Variants in RAI1 observed in about 807,000 individuals in gnomAD.
The protein encoded by RAI1 is retinoic acid-induced protein 1.
Under a neutral mutation model 123.8 loss-of-function variants are expected in RAI1, and 9 were observed. The ratio of observed to expected loss-of-function variants is 0.07; its 90% CI spans 0.04 to 0.13. The LOEUF (loss-of-function observed/expected upper bound fraction) is 0.13. RAI1 is among the 10% of genes least tolerant of loss of function. The pLI, the probability that RAI1 is intolerant of heterozygous loss-of-function variation, is 1.00. For synonymous variants in RAI1, 1,231 were observed against 1,127.3 expected, an observed-to-expected ratio of 1.09 and a Z score of -1.84; for missense variants, 2,256 against 2,545.8, an observed-to-expected ratio of 0.89 and a Z score of 2.45.
At chr17:17,807,807 C>T (rs1269908546) in intron 4 of RAI1, among the ~76,000 whole-genome samples, 1 of 152,240 alleles carries the variant, frequency 6.6e-6, no homozygotes, top group Non-Finnish European at 1.5e-5. Context: ...TCTAGTTCAG[C>T]CCCAGAACCA....
In RAI1 at chr17:17,795,827, G is replaced by C; in HGVS notation, c.2879G>C (p.Arg960Pro). Residue 960 changes from arginine (R) to proline (P), a missense_variant, in exon 3 of 6, where the codon CGA (arginine) becomes CCA (proline). By Grantham distance (103) the Arg-to-Pro change is moderately radical. Transcript: ENST00000353383. This position sits in a 1 kb window ranked among gnomAD's most constrained non-coding sequence, Gnocchi z 5.9. ...GGTGAAGAGGGGCCTGATGGGGAGC[G>C]AGCTCCAGGGGATTCCACCACCTCG... ...KPGEEGPDGE[R>P]APGDSTTSDA... The C allele has an allele frequency of 6.2e-7, 1 of 1,613,502 alleles. No homozygotes were observed.
intron 2 of RAI1, among the ~76,000 whole-genome samples, chr17:17,729,716 G>T (rs1289369745): frequency 6.6e-6 from 1 of 152,210 alleles, no homozygotes; most frequent in African/African-American, 2.4e-5. Flanking sequence ...CTGTCCATCC[G>T]TTCAGGGCAC....
chr17:17,768,276 G>A (rs1381389891), intron 2 of RAI1, among the ~76,000 whole-genome samples: 1 of 152,164 alleles, frequency 6.6e-6, no homozygotes, highest in Non-Finnish European at 1.5e-5. Flanking sequence ...CTCAGAAATG[G>A]CCTGTGCTTG....
Position 17,727,650 on chromosome 17 carries a change from G to A in RAI1, c.-17+3491G>A, listed in dbSNP as rs532406468. On this transcript the variant is annotated intron_variant, in intron 2 of 5. Coordinates refer to ENST00000353383, the MANE Select transcript of RAI1 (RefSeq NM_030665.4). ...GAGGATCCAAAGCAGATGCAGTGAGGGGGTGGGACTGTAGGTCTCTGGGGA... is the reference window on the plus strand; with the variant it reads ...GAGGATCCAAAGCAGATGCAGTGAGAGGGTGGGACTGTAGGTCTCTGGGGA... Among the ~76,000 whole-genome samples, 13 of 152,326 alleles carry A rather than the reference G, an allele frequency of 8.5e-5. No homozygotes were observed. The South Asian group carries it at 1.2e-3, about 15-fold the overall frequency.
intron 2 of RAI1, among the ~76,000 whole-genome samples, chr17:17,792,316 C>CGT (rs141444364): frequency 1.3e-4 from 20 of 150,942 alleles, no homozygotes; most frequent in South Asian, 4.2e-4. Context: ...TGTGTGCATG[C>CGT]GTGTGTGTGT....
At chr17:17,763,556 CAA>C (rs1299848802) in intron 2 of RAI1, among the ~76,000 whole-genome samples, 4 of 152,202 alleles carry the variant, frequency 2.6e-5, no homozygotes, top group African/African-American at 9.6e-5. Context: ...GGCCAAGGAG[CAA>C]AAGCAGTCTG....
intron 2 of RAI1, among the ~76,000 whole-genome samples, chr17:17,769,358 G>A (rs973655395): frequency 5.9e-5 from 9 of 152,374 alleles, no homozygotes; most frequent in Middle Eastern, 6.8e-3. Context: ...TTCTGCGCAG[G>A]CCTCCTTGGG....
At chr17:17,723,912 GGCGCGAGAGGCGCGGCGC>G (rs1313973849) in intron 1 of RAI1, 98 bp from the exon 2 acceptor site, 2 of 149,296 alleles carry the variant, frequency 1.3e-5, no homozygotes, top group Admixed American at 1.3e-4. Flanking sequence ...GGAAACGCGG[GGCGCGAGAGGCGCGGCGC>G]GCGCGGGAGC....
At chr17:17,732,411 G>A (rs1046133283) in intron 2 of RAI1, among the ~76,000 whole-genome samples, 1 of 152,108 alleles carries the variant, frequency 6.6e-6, no homozygotes, top group Admixed American at 6.5e-5. Flanking sequence ...TGGGAGAGGG[G>A]GATGGGATCA....
intron 2 of RAI1, chr17:17,759,317 G>A (rs569463594): frequency 6.6e-6 from 1 of 152,340 alleles, no homozygotes; most frequent in Admixed American, 6.5e-5. Context: ...TGCATCTCCA[G>A]AAATCAGGAC....
chr17:17,781,993 C>T (rs2031598815), intron 2 of RAI1: 2 of 152,216 alleles, frequency 1.3e-5, no homozygotes, highest in South Asian at 4.1e-4. Flanking sequence ...CAGGAGCCGC[C>T]TCTCGCAGCC....
At chr17:17,722,473 G>A in intron 1 of RAI1, among the ~76,000 whole-genome samples, 1 of 152,184 alleles carries the variant, frequency 6.6e-6, no homozygotes, top group East Asian at 1.9e-4. Context: ...AGGGGCCCGC[G>A]CCACCTCCGC....
At chr17:17,721,823 T>C (rs1040452713) in intron 1 of RAI1, among the ~76,000 whole-genome samples, 3 of 151,988 alleles carry the variant, frequency 2.0e-5, no homozygotes, top group African/African-American at 4.8e-5. Flanking sequence ...GAGCCCCGAG[T>C]GGGGCGGGGC....
At position 17,810,835 on chromosome 17, in the gene RAI1, C is replaced by T. The variant is rs1567943844; in HGVS notation, c.*854C>T. ...CGGACGCGCGACCGTTGTGCACCAC[C>T]AGGGACCGCCGCGCCTACTCTGCAC... On this transcript the variant is annotated 3_prime_UTR_variant, in exon 6 of 6. Transcript: ENST00000353383. This position sits in a 1 kb window ranked among gnomAD's most constrained non-coding sequence, Gnocchi z 4.6. The T allele has an allele frequency of 2.0e-5, 9 of 453,628 alleles. No homozygotes were observed. In the Admixed American group the frequency reaches 2.1e-4, roughly 11 times the overall value. The allele number at this position is 453,628 out of a possible 1,614,324, so 28.1% of individuals were successfully genotyped here.
intron 2 of RAI1, among the ~76,000 whole-genome samples, chr17:17,725,680 A>C (rs1263537520): frequency 6.6e-6 from 1 of 152,064 alleles, no homozygotes; most frequent in Non-Finnish European, 1.5e-5. Context: ...GCCCGTGGAA[A>C]TCAGCCTTAA....
intron 2 of RAI1, among the ~76,000 whole-genome samples, chr17:17,738,566 A>C (rs1189298918): frequency 6.6e-6 from 1 of 152,152 alleles, no homozygotes; most frequent in Non-Finnish European, 1.5e-5. Context: ...GACCAGCAGG[A>C]AACTGGGAGA....
chr17:17,779,270 CTGCG>C, intron 2 of RAI1: 1 of 304,000 alleles, frequency 3.3e-6, no homozygotes, highest in East Asian at 8.8e-5. Flanking sequence ...GGTCAGCAGA[CTGCG>C]TGTCTGGGGG....
At chr17:17,791,807 C>G (rs912566403) in intron 2 of RAI1, among the ~76,000 whole-genome samples, 1 of 152,178 alleles carries the variant, frequency 6.6e-6, no homozygotes, top group African/African-American at 2.4e-5. Flanking sequence ...GGAACCTTTA[C>G]CCTGGATGCT....
chr17:17,725,988 A>G (rs1916075423), intron 2 of RAI1, among the ~76,000 whole-genome samples: 1 of 152,122 alleles, frequency 6.6e-6, no homozygotes, highest in Admixed American at 6.5e-5. Context: ...ACCCTCTGAC[A>G]TGCTAACAGT....
Sources: allele counts gnomAD v4.1 joint callset (sites outside exome capture counted in the v4.1 genomes callset), GRCh38; gene constraint gnomAD v4.1.1; non-coding constraint Gnocchi (gnomAD v3.1); transcripts MANE v1.5; gene names NCBI Gene and HGNC (gene_info 2026-07-23, HGNC 2026-07-21).